KCNN2: variants seen among roughly 807,000 people sequenced by gnomAD.
KCNN2 encodes the protein small conductance calcium-activated potassium channel protein 2.
Under a neutral mutation model 55.5 loss-of-function variants are expected in KCNN2, and 24 were observed. The ratio of observed to expected loss-of-function variants is 0.43; its 90% CI spans 0.31 to 0.61. KCNN2 has a LOEUF of 0.61. Ranked by LOEUF, KCNN2 falls within the 20% of genes least tolerant of loss-of-function variation. KCNN2 has a pLI of 0.08. For missense variants in KCNN2, 754 were observed against 853.6 expected, an observed-to-expected ratio of 0.88 and a Z score of 1.45; for synonymous variants, 431 against 336.1, an observed-to-expected ratio of 1.28 and a Z score of -3.09.
At position 114,463,040 on chromosome 5, in the gene KCNN2, G is replaced by A. The variant is rs773186612; in HGVS notation, c.1638-9G>A. On this transcript the variant is annotated splice_polypyrimidine_tract_variant and intron_variant, in intron 3 of 7. Coordinates refer to ENST00000673685, the MANE Select transcript of KCNN2 (RefSeq NM_021614.4). ...TTATAAAGGACTGGTTTTGTTTGCTGTTTTTCAGGTACCATGATCAACAGG... is the reference window on the plus strand; with the variant it reads ...TTATAAAGGACTGGTTTTGTTTGCTATTTTTCAGGTACCATGATCAACAGG... 1 of 1,610,688 alleles carries A rather than the reference G, an allele frequency of 6.2e-7. No homozygotes were observed. Among genetic ancestry groups the A allele is most frequent in the South Asian group, 1.1e-5 (1 of 90,238 alleles).
At chr5:114,267,183 C>A (rs150029089) in intron 2 of KCNN2, among the ~76,000 whole-genome samples, 1 of 152,042 alleles carries the variant, frequency 6.6e-6, no homozygotes, top group African/African-American at 2.4e-5. Flanking sequence ...TGTAGTGAGA[C>A]GGGGTTTCAC....
chr5:114,372,304 G>A (rs1283911197), intron 2 of KCNN2, among the ~76,000 whole-genome samples: 1 of 152,178 alleles, frequency 6.6e-6, no homozygotes, highest in Non-Finnish European at 1.5e-5. Context: ...CAAGGTCAGA[G>A]TTTAGAAGTA....
At chr5:114,333,803 A>C (rs1756870999) in intron 2 of KCNN2, among the ~76,000 whole-genome samples, 1 of 152,228 alleles carries the variant, frequency 6.6e-6, no homozygotes, top group South Asian at 2.1e-4. Context: ...AAATGTTTTT[A>C]ATAGACAAAA....
intron 1 of KCNN2, among the ~76,000 whole-genome samples, chr5:114,142,259 T>C (rs1752300239): frequency 6.6e-6 from 1 of 152,188 alleles, no homozygotes; most frequent in Non-Finnish European, 1.5e-5. Flanking sequence ...GTTTTTATGG[T>C]TTTAGGTCTA....
intron 2 of KCNN2, among the ~76,000 whole-genome samples, chr5:114,248,554 A>G (rs773495216): frequency 3.9e-5 from 6 of 152,182 alleles, no homozygotes; most frequent in Non-Finnish European, 8.8e-5. Flanking sequence ...TACTTTTGCA[A>G]GAAGTTAGGC....
intron 1 of KCNN2, among the ~76,000 whole-genome samples, chr5:114,058,797 T>A (rs1266367371): frequency 1.3e-5 from 2 of 152,018 alleles, no homozygotes; most frequent in African/African-American, 4.8e-5. Context: ...GGGTTTAAGA[T>A]TTTAAAAGAC....
chr5:114,275,097 G>C (rs1331925334), intron 2 of KCNN2, among the ~76,000 whole-genome samples: 3 of 152,070 alleles, frequency 2.0e-5, no homozygotes, highest in African/African-American at 7.2e-5. Flanking sequence ...ATAATTATGT[G>C]GTTTTTGTCA....
chr5:114,444,087 A>C (rs1177235611), intron 3 of KCNN2, among the ~76,000 whole-genome samples: 1 of 152,194 alleles, frequency 6.6e-6, no homozygotes, highest in Non-Finnish European at 1.5e-5. Context: ...ACAATGGACT[A>C]AGCCTCTGTC....
At chr5:114,361,867 C>G (rs904027226), upstream of KCNN2, 21 of 153,298 alleles carry the variant, frequency 1.4e-4, no homozygotes, top group Middle Eastern at 3.3e-3. Context: ...ACTGCACCCC[C>G]CTAGGGTTTG....
intron 2 of KCNN2, among the ~76,000 whole-genome samples, chr5:114,376,586 G>A (rs1200618915): frequency 6.6e-6 from 1 of 152,222 alleles, no homozygotes; most frequent in Admixed American, 6.5e-5. Context: ...TGCTGTAGCT[G>A]CATTTGCAGG....
At chr5:114,144,214 C>A (rs1008426508) in intron 1 of KCNN2, among the ~76,000 whole-genome samples, 2 of 152,146 alleles carry the variant, frequency 1.3e-5, no homozygotes, top group African/African-American at 4.8e-5. Flanking sequence ...ATACAAAAAT[C>A]AGAAGTATTC....
chr5:114,108,957 T>G (rs1751541508), intron 1 of KCNN2, among the ~76,000 whole-genome samples: 1 of 151,754 alleles, frequency 6.6e-6, no homozygotes, highest in South Asian at 2.1e-4. Flanking sequence ...TTTTCCAGAG[T>G]GGTTTATTTA....
intron 2 of KCNN2, among the ~76,000 whole-genome samples, chr5:114,260,813 A>G (rs1174960911): frequency 2.0e-5 from 3 of 152,058 alleles, no homozygotes; most frequent in African/African-American, 7.2e-5. Flanking sequence ...GGTGGCTTTC[A>G]TTTGCATATG....
intron 3 of KCNN2, among the ~76,000 whole-genome samples, chr5:114,439,496 A>C (rs545973820): frequency 6.6e-6 from 1 of 152,210 alleles, no homozygotes; most frequent in Admixed American, 6.5e-5. Context: ...GGTGGTTCTC[A>C]GTCTTGACAC....
chr5:114,232,922 C>CTTGTTTT (rs1554076020), intron 2 of KCNN2, among the ~76,000 whole-genome samples: 2,658 of 44,038 alleles, frequency 0.06, 417 homozygotes, highest in African/African-American at 0.19. Context: ...TATATTGTTT[C>CTTGTTTT]TTGTTTTTTT....
intron 1 of KCNN2, among the ~76,000 whole-genome samples, chr5:114,190,651 A>AT (rs1444332895): frequency 6.6e-6 from 1 of 152,110 alleles, no homozygotes; most frequent in Non-Finnish European, 1.5e-5. Context: ...TATCTTTAGT[A>AT]TATTGTTTTC....
intron 2 of KCNN2, among the ~76,000 whole-genome samples, chr5:114,302,551 G>A (rs1756188605): frequency 6.6e-6 from 1 of 152,128 alleles, no homozygotes; most frequent in South Asian, 2.1e-4. Context: ...ACAATGGGTG[G>A]TTGGCAAAAG....
chr5:114,404,557 A>C lies in KCNN2; in HGVS notation c.1338A>C (p.Thr446=), dbSNP rs1382576878. 6.2e-7 allele frequency: 1 copy of C among 1,613,864 alleles called. No homozygotes were observed. Residue 446 remains threonine (T), a synonymous_variant, in exon 3 of 8, where the codon ACA becomes ACC. Coordinates refer to ENST00000673685, the MANE Select transcript of KCNN2 (RefSeq NM_021614.4). ...CAIHPIPGNY[T]FTWTARLAFS... is the part of the protein sequence containing the mutation. The stretch of plus-strand genomic sequence containing the variant: ...TTCATCCCATACCTGGGAATTATAC[A>C]TTCACATGGACGGCCCGGCTTGCCT...
At chr5:114,147,591 C>T (rs761014923) in intron 1 of KCNN2, among the ~76,000 whole-genome samples, 14 of 152,140 alleles carry the variant, frequency 9.2e-5, no homozygotes, top group South Asian at 2.1e-4. Context: ...AGACTTGTCC[C>T]TCTTTCACTC....
Sources: allele counts gnomAD v4.1 joint callset (sites outside exome capture counted in the v4.1 genomes callset), GRCh38; gene constraint gnomAD v4.1.1; transcripts MANE v1.5; gene names NCBI Gene and HGNC (gene_info 2026-07-23, HGNC 2026-07-21).